The following AMOTL1 variants were observed in gnomAD, a reference collection of about 807,000 sequenced individuals.
AMOTL1 encodes the protein angiomotin like 1.
In AMOTL1, 45 loss-of-function variants were observed where a neutral mutation model predicts 102.9. That is an observed-to-expected ratio of 0.44 (90% CI 0.34 to 0.56). The LOEUF is 0.56. Ranked by LOEUF, AMOTL1 falls within the 20% of genes least tolerant of loss-of-function variation. The pLI is 0.01. For synonymous variants in AMOTL1, 481 were observed against 484.7 expected (o/e 0.99, Z 0.10); for missense variants, 1,114 against 1,225.6 (o/e 0.91, Z 1.36).
chr11:94,832,744 T>G (rs1592013188), intron 6 of AMOTL1, among the ~76,000 whole-genome samples: 1 of 152,252 alleles, frequency 6.6e-6, no homozygotes, highest in South Asian at 2.1e-4. Context: ...CTTTACTACT[T>G]GCATTTAAGA....
At chr11:94,763,628 A>G (rs770451032), upstream of AMOTL1, among the ~76,000 whole-genome samples, 8 of 152,248 alleles carry the variant, frequency 5.3e-5, no homozygotes, top group African/African-American at 9.6e-5. Context: ...CACATATTTC[A>G]TATGTTATAT....
intron 1 of AMOTL1, among the ~76,000 whole-genome samples, chr11:94,781,841 A>G (rs1445289433): frequency 2.6e-5 from 4 of 151,686 alleles, no homozygotes; most frequent in African/African-American, 9.7e-5. Context: ...CTCAAAAAGA[A>G]GAAAAAAAAA....
At chr11:94,796,686 T>C (rs1182150035) in intron 2 of AMOTL1, among the ~76,000 whole-genome samples, 1 of 152,156 alleles carries the variant, frequency 6.6e-6, no homozygotes, top group Non-Finnish European at 1.5e-5. Context: ...ATGTGAAATT[T>C]CTTAATGAAA....
chr11:94,761,741 C>T (rs1950796164), intron 3 of AMOTL1, among the ~76,000 whole-genome samples: 1 of 152,160 alleles, frequency 6.6e-6, no homozygotes, highest in South Asian at 2.1e-4. Flanking sequence ...CTGAATGGAA[C>T]CATCTAGAGT....
At position 94,800,315 on chromosome 11, in the gene AMOTL1, A is replaced by T. The variant is rs201669043; in HGVS notation, c.1121+4A>T. 1.9e-6 allele frequency: 3 copies of T among 1,578,470 alleles called. No individual in the cohort carries two copies. In the East Asian group the frequency reaches 6.8e-5, roughly 36 times the overall value. ...CCCCTGAGTATGGGGTAACGAGGTG[A>T]TTATCAACTGCAGACGTTTCGTGCG... On this transcript the variant is annotated splice_donor_region_variant and intron_variant, in intron 3 of 12. Transcript: ENST00000433060.
chr11:94,870,999 T>C lies in AMOTL1; in HGVS notation c.*204T>C. ...TAGAAGAGAATGCGATGGATTTTATTACACATGGTGGAAGAGAGAAGAGGC... is the reference window on the plus strand; with the variant it reads ...TAGAAGAGAATGCGATGGATTTTATCACACATGGTGGAAGAGAGAAGAGGC... On this transcript the variant is annotated 3_prime_UTR_variant, in exon 13 of 13. Coordinates refer to ENST00000433060, the MANE Select transcript of AMOTL1 (RefSeq NM_130847.3). The C allele has an allele frequency of 2.1e-6, 1 of 477,898 alleles. No homozygotes were observed. Among genetic ancestry groups the C allele is most frequent in the Non-Finnish European group, 3.7e-6 (1 of 270,648 alleles). The allele number at this position is 477,898 out of a possible 1,614,324, so 29.6% of individuals were successfully genotyped here.
At chr11:94,816,401 C>T (rs1951767163) in intron 3 of AMOTL1, among the ~76,000 whole-genome samples, 1 of 152,144 alleles carries the variant, frequency 6.6e-6, no homozygotes, top group Non-Finnish European at 1.5e-5. Context: ...AACACTCTTC[C>T]TATGTCTAAT....
chr11:94,740,573 G>A (rs1466521060), intron 2 of AMOTL1, among the ~76,000 whole-genome samples: 1 of 151,618 alleles, frequency 6.6e-6, no homozygotes, highest in Non-Finnish European at 1.5e-5. Context: ...GCGCTGGGGC[G>A]TCGGCGCCAG....
chr11:94,832,005 T>C (rs10831277), intron 6 of AMOTL1, among the ~76,000 whole-genome samples: 36,709 of 152,174 alleles, frequency 0.24, 4,982 homozygotes, highest in Admixed American at 0.42. Flanking sequence ...TATCTCCATG[T>C]GTAACACTCA....
chr11:94,768,066 C>G (rs1950877563), upstream of AMOTL1, among the ~76,000 whole-genome samples: 1 of 152,148 alleles, frequency 6.6e-6, no homozygotes, highest in African/African-American at 2.4e-5. Context: ...GGAAGGAAGA[C>G]AAAGTGGAGG....
intron 1 of AMOTL1, among the ~76,000 whole-genome samples, chr11:94,722,629 C>A (rs1430064847): frequency 6.6e-6 from 1 of 152,108 alleles, no homozygotes; most frequent in Non-Finnish European, 1.5e-5. Context: ...TCTCCAAAGT[C>A]CTTGCTCTCA....
At chr11:94,854,578 A>G (rs1395362374) in intron 8 of AMOTL1, among the ~76,000 whole-genome samples, 1 of 152,136 alleles carries the variant, frequency 6.6e-6, no homozygotes, top group African/African-American at 2.4e-5. Flanking sequence ...GCTTTTTCTT[A>G]TAGTCAACAG....
intron 2 of AMOTL1, among the ~76,000 whole-genome samples, chr11:94,739,884 C>T (rs1565334527): frequency 1.3e-5 from 2 of 152,172 alleles, no homozygotes; most frequent in Non-Finnish European, 1.5e-5. Context: ...GAGGTTCTCA[C>T]AGTGTTACAT....
At chr11:94,746,669 G>C (rs1358121475) in intron 3 of AMOTL1, among the ~76,000 whole-genome samples, 1 of 152,138 alleles carries the variant, frequency 6.6e-6, no homozygotes, top group Non-Finnish European at 1.5e-5. Flanking sequence ...TTAGAATCAG[G>C]AGGAGCTTTT....
chr11:94,726,281 C>T lies in AMOTL1; in HGVS notation c.-50-2640C>T, dbSNP rs187790678. On this transcript the variant is annotated intron_variant, in intron 1 of 4. Transcript: ENST00000299004. ...GCTGGTCTGTCTCACACCACTCTAT[C>T]GGTGTACACAAATCTCCTTTGAGAG... 9.5e-4 allele frequency among the ~76,000 whole-genome samples: 144 copies of T among 152,266 alleles called. 1 individual carries two copies. The highest frequency in any genetic ancestry group is 1.8e-3 in the Admixed American group (27 of 15,296).
chr11:94,870,373 G>A lies in AMOTL1; in HGVS notation c.2765-316G>A, dbSNP rs140506081. ...GTGATTCTTTTCCAAGTAAGCCAGA[G>A]AACCTGTCAAAAGTGCCTAGCTCAG... On this transcript the variant is annotated intron_variant, in intron 12 of 12. Transcript: ENST00000433060. Among the ~76,000 whole-genome samples, 1,304 of 152,342 alleles carry A rather than the reference G, an allele frequency of 8.6e-3. 19 individuals carry two copies. The highest frequency in any genetic ancestry group is 0.051 in the South Asian group (245 of 4,824).
rs1952945130 is a variant in AMOTL1 at position 94,869,276 on chromosome 11, C to T, written c.2567C>T (p.Ser856Phe). ...CCCCCACCCACCTCAGCACTGTCCT[C>T]CATAGCCTCCACTACGGCAGCCAGC... ...LPPPPTSALSSIASTTAASSA... is the reference protein window; with the variant it reads ...LPPPPTSALSFIASTTAASSA... Residue 856 changes from serine to phenylalanine, a missense_variant, in exon 12 of 13, where the codon TCC becomes TTC. Transcript: ENST00000433060. 6.2e-7 allele frequency: 1 copy of T among 1,613,062 alleles called. No homozygotes were observed. Among genetic ancestry groups the T allele is most frequent in the South Asian group, 1.1e-5 (1 of 90,846 alleles).
chr11:94,740,894 A>C, intron 2 of AMOTL1: 5 of 1,285,162 alleles, frequency 3.9e-6, no homozygotes, highest in Non-Finnish European at 5.1e-6. Context: ...GTTCGTCCTG[A>C]ATGGTAGCGA....
At chr11:94,727,764 T>G (rs1427224286) in intron 1 of AMOTL1, among the ~76,000 whole-genome samples, 2 of 152,192 alleles carry the variant, frequency 1.3e-5, no homozygotes, top group Non-Finnish European at 1.5e-5. Flanking sequence ...CCAAAATTTT[T>G]GGGTAATTGG....
Sources: allele counts gnomAD v4.1 joint callset (sites outside exome capture counted in the v4.1 genomes callset), GRCh38; gene constraint gnomAD v4.1.1; transcripts MANE v1.5; gene names NCBI Gene and HGNC (gene_info 2026-07-23, HGNC 2026-07-21).